Variants in NQO2 observed in about 807,000 individuals in gnomAD.
The protein encoded by NQO2 is ribosyldihydronicotinamide dehydrogenase [quinone].
A neutral mutation model predicts 22.0 loss-of-function variants in NQO2; 18 were observed. That is an observed-to-expected ratio of 0.82 (90% CI 0.56 to 1.21). The LOEUF is 1.21. Ranked by LOEUF, NQO2 falls within the 50% of genes most tolerant of loss-of-function variation. NQO2 has a pLI of 0.00. For synonymous variants in NQO2, 106 were observed against 110.8 expected (o/e 0.96, Z 0.28); for missense variants, 267 against 286.9 (o/e 0.93, Z 0.50).
rs985045418 is a variant in NQO2 at position 3,008,018 on chromosome 6, A to G, written c.7+1459A>G. On this transcript the variant is annotated intron_variant, in intron 2 of 6. Transcript: ENST00000380455. Reference sequence around the variant, plus strand: ...GGCTTTTAAAAGATTTAGTGGTGGTATTTTTGAGGAGATATAATTTGACCC... The same window carrying G: ...GGCTTTTAAAAGATTTAGTGGTGGTGTTTTTGAGGAGATATAATTTGACCC... Among the ~76,000 whole-genome samples the G allele has an allele frequency of 5.9e-5, 9 of 152,334 alleles. No homozygotes were observed. The East Asian group carries it at 1.3e-3, about 23-fold the overall frequency.
chr6:3,012,407 G>T, intron 3 of NQO2, 137 bp from the exon 4 acceptor site: 1 of 1,470,014 alleles, frequency 6.8e-7, no homozygotes, highest in Non-Finnish European at 9.0e-7. Context: ...CGGACCCAGG[G>T]TGCAGCTTCT....
At chr6:3,007,188 C>T (rs1581322943) in intron 2 of NQO2, among the ~76,000 whole-genome samples, 1 of 152,048 alleles carries the variant, frequency 6.6e-6, no homozygotes, top group East Asian at 1.9e-4. Flanking sequence ...CTGTTTAGCA[C>T]CTAGCACCAT....
chr6:3,019,624 C>T lies in NQO2; in HGVS notation c.665C>T (p.Pro222Leu), dbSNP rs778284607. Residue 222 changes from proline to leucine, a missense_variant, in exon 7 of 7, where the codon CCC becomes CTC. Pro to Leu is a moderately conservative substitution (Grantham distance 98). Coordinates refer to ENST00000380455, the MANE Select transcript of NQO2 (RefSeq NM_000904.6). ...ACCATCTGGAAGGAAGAGCCCATCC[C>T]CTGCACAGCCCACTGGCACTTCGGG... The part of the protein sequence containing the change: ...LQTIWKEEPI[P>L]CTAHWHFGQ 3.7e-6 allele frequency: 6 copies of T among 1,613,298 alleles called. No individual in the cohort carries two copies. In the East Asian group the frequency reaches 6.7e-5, roughly 18 times the overall value.
chr6:3,009,596 T>C (rs1757075542), intron 2 of NQO2, among the ~76,000 whole-genome samples: 1 of 152,256 alleles, frequency 6.6e-6, no homozygotes, highest in Non-Finnish European at 1.5e-5. Context: ...CGTTCAGAGA[T>C]TGCAGTAAAG....
At chr6:3,012,242 C>A (rs1183577278) in intron 3 of NQO2, among the ~76,000 whole-genome samples, 1 of 152,210 alleles carries the variant, frequency 6.6e-6, no homozygotes, top group East Asian at 1.9e-4. Context: ...AGACATCCAG[C>A]CTCTCTTGGG....
intron 3 of NQO2, chr6:3,012,262 G>C: frequency 2.5e-6 from 1 of 406,474 alleles, no homozygotes; most frequent in Non-Finnish European, 3.3e-6. Flanking sequence ...GTGTCAGTTT[G>C]CTCTCTGGTA....
At chr6:3,017,799 CAG>C (rs1381435885) in intron 6 of NQO2, among the ~76,000 whole-genome samples, 24 of 152,134 alleles carry the variant, frequency 1.6e-4, no homozygotes, top group South Asian at 1.0e-3. Context: ...TTTGTCGAGA[CAG>C]GGGGAGAGCT....
chr6:3,011,153 ACT>A (rs1259657960), intron 3 of NQO2, among the ~76,000 whole-genome samples: 1 of 152,156 alleles, frequency 6.6e-6, no homozygotes, highest in Non-Finnish European at 1.5e-5. Context: ...CACTGTTTGG[ACT>A]CTCTGACCAA....
intron 4 of NQO2, 38 bp from the exon 5 acceptor site, chr6:3,015,492 C>T (rs778057434): frequency 6.2e-7 from 1 of 1,605,572 alleles, no homozygotes; most frequent in East Asian, 2.2e-5. Flanking sequence ...CTGAGGCGAG[C>T]CGCAGCCTCA....
intron 1 of NQO2, 199 bp downstream of exon 1, chr6:3,000,284 T>TC (rs200686025): frequency 0.018 from 2,702 of 152,484 alleles, 40 homozygotes; most frequent in South Asian, 0.066. Flanking sequence ...CGGTGTCGAA[T>TC]CGTCTGGTGG....
chr6:3,005,599 T>A (rs1756923891), intron 1 of NQO2: 1 of 972,160 alleles, frequency 1.0e-6, no homozygotes, highest in African/African-American at 1.8e-5. Flanking sequence ...TGCTTTGTTG[T>A]TGTTAAGTTT....
chr6:3,018,163 T>G (rs10223372), intron 6 of NQO2, among the ~76,000 whole-genome samples: 17,088 of 152,208 alleles, frequency 0.11, 1,464 homozygotes, highest in African/African-American at 0.24. Context: ...CATTTGCTGT[T>G]TTCTCCTCCT....
chr6:3,014,051 G>A (rs1757240289), intron 4 of NQO2, among the ~76,000 whole-genome samples: 2 of 152,174 alleles, frequency 1.3e-5, no homozygotes, highest in South Asian at 4.1e-4. Flanking sequence ...GATGCGGAGT[G>A]GGCAGGAGAA....
chr6:3,018,446 A>C (rs1757415904), intron 6 of NQO2, among the ~76,000 whole-genome samples: 1 of 152,238 alleles, frequency 6.6e-6, no homozygotes, highest in Non-Finnish European at 1.5e-5. Context: ...CGGAGGTTGC[A>C]GTGAGCCAGG....
intron 6 of NQO2, among the ~76,000 whole-genome samples, chr6:3,017,602 C>T (rs191749779): frequency 3.7e-4 from 57 of 152,270 alleles, no homozygotes; most frequent in Non-Finnish European, 6.0e-4. Context: ...GAAATGTGGC[C>T]GAGTAGTGGC....
intron 3 of NQO2, among the ~76,000 whole-genome samples, chr6:3,010,471 C>G (rs569167780): frequency 6.6e-6 from 1 of 152,014 alleles, no homozygotes; most frequent in East Asian, 1.9e-4. Flanking sequence ...TACCCAGCAC[C>G]AGCTGTGTGG....
At chr6:3,012,492 G>C in intron 3 of NQO2, 52 bp from the exon 4 acceptor site, 1 of 251,114 alleles carries the variant, frequency 4.0e-6, no homozygotes, top group South Asian at 6.1e-5. Context: ...TGGTTGGGAT[G>C]GGCTGTGGAT....
intron 1 of NQO2, among the ~76,000 whole-genome samples, chr6:3,001,609 G>A (rs1035970257): frequency 1.3e-5 from 2 of 152,134 alleles, no homozygotes; most frequent in East Asian, 1.9e-4. Context: ...TTTAGCTGCC[G>A]CATGAATACA....
In NQO2 at chr6:3,013,025, G is replaced by T. The variant is rs555724855; in HGVS notation, c.303+351G>T. On this transcript the variant is annotated intron_variant, in intron 4 of 6. Transcript: ENST00000380455. ...GGCTGGAGTGCAGTGGCGGGATCTC[G>T]GCTCACTGCAAGCTCCGCCTCCCGG... Among the ~76,000 whole-genome samples the T allele has an allele frequency of 5.6e-4, 75 of 132,986 alleles. 1 individual carries two copies. In the East Asian group the frequency reaches 0.015, roughly 27 times the overall value. The allele number at this position is 132,986 out of a possible 152,430, so 87.2% of individuals were successfully genotyped here.
Sources: allele counts gnomAD v4.1 joint callset (sites outside exome capture counted in the v4.1 genomes callset), GRCh38; gene constraint gnomAD v4.1.1; transcripts MANE v1.5; gene names NCBI Gene and HGNC (gene_info 2026-07-23, HGNC 2026-07-21).